The following ACBD6 variants were observed in gnomAD, a reference collection of about 807,000 sequenced individuals.
ACBD6 encodes the protein acyl-CoA binding domain containing 6, also known as acyl-CoA-binding domain-containing protein 6.
ACBD6 carries 28 observed loss-of-function variants against 37.2 expected under a neutral mutation model. That is an observed-to-expected ratio of 0.75 (90% CI 0.56 to 1.03). The LOEUF is 1.03. Ranked by LOEUF, ACBD6 falls within the 50% of genes least tolerant of loss-of-function variation. The probability of loss-of-function intolerance (pLI) is 0.00; values close to 1 mark genes in which losing one functional copy is unlikely to be tolerated. For missense variants in ACBD6, 340 were observed against 337.4 expected (o/e 1.01, Z -0.06); for synonymous variants, 113 against 126.8 (o/e 0.89, Z 0.73).
chr1:180,480,743 G>T (rs1651000327), intron 3 of ACBD6, among the ~76,000 whole-genome samples: 1 of 152,060 alleles, frequency 6.6e-6, no homozygotes, highest in African/African-American at 2.4e-5. Flanking sequence ...TAAAAAATGA[G>T]ATTTCAGGCT....
chr1:180,294,046 C>G (rs1649819259), intron 7 of ACBD6, among the ~76,000 whole-genome samples: 1 of 151,992 alleles, frequency 6.6e-6, no homozygotes, highest in African/African-American at 2.4e-5. Flanking sequence ...AGGTGCGCAC[C>G]ACCACATCTG....
intron 6 of ACBD6, among the ~76,000 whole-genome samples, chr1:180,376,722 GA>G (rs1236637844): frequency 6.6e-5 from 10 of 152,128 alleles, no homozygotes; most frequent in African/African-American, 1.9e-4. Context: ...AAAAAGGACT[GA>G]AAAGACAGAG....
At chr1:180,327,388 C>T (rs964253766) in intron 6 of ACBD6, among the ~76,000 whole-genome samples, 2 of 152,134 alleles carry the variant, frequency 1.3e-5, no homozygotes, top group Non-Finnish European at 2.9e-5. Context: ...AGGGCTGCTG[C>T]GGGATTGAGA....
chr1:180,405,352 C>T (rs983260952), intron 5 of ACBD6, among the ~76,000 whole-genome samples: 5 of 152,108 alleles, frequency 3.3e-5, no homozygotes, highest in Non-Finnish European at 4.4e-5. Context: ...TGACTTTCTT[C>T]AAAGTATCTG....
At chr1:180,397,745 T>C (rs934594702) in intron 5 of ACBD6, 140 bp from the exon 6 acceptor site, 7 of 784,100 alleles carry the variant, frequency 8.9e-6, no homozygotes, top group Admixed American at 6.6e-5. Context: ...AAATGCACTA[T>C]GGAAAAAGCA....
chr1:180,292,394 G>A lies in ACBD6; in HGVS notation c.695-3877C>T, dbSNP rs376080382. On this transcript the variant is annotated intron_variant, in intron 7 of 7. Transcript: ENST00000367595. ...AAATCTTACTCTTATTTTGTTTGAT[G>A]TATCCCTAAGAATTTCATGTTTTTG... Among the ~76,000 whole-genome samples, 6 of 152,174 alleles carry A rather than the reference G, an allele frequency of 3.9e-5. No homozygotes were observed. The East Asian group carries it at 9.6e-4, about 24-fold the overall frequency.
chr1:180,388,281 G>T (rs1653923327), intron 6 of ACBD6, among the ~76,000 whole-genome samples: 1 of 151,860 alleles, frequency 6.6e-6, no homozygotes. Flanking sequence ...TAACCCTTTA[G>T]TCTTCTTATG....
At chr1:180,345,683 G>C (rs538040726) in intron 6 of ACBD6, among the ~76,000 whole-genome samples, 16 of 151,988 alleles carry the variant, frequency 1.1e-4, no homozygotes, top group African/African-American at 3.9e-4. Context: ...TTATAACTTA[G>C]AACATCATTA....
At chr1:180,403,278 T>C (rs559963744) in intron 5 of ACBD6, among the ~76,000 whole-genome samples, 18 of 152,314 alleles carry the variant, frequency 1.2e-4, no homozygotes, top group South Asian at 6.2e-4. Context: ...GTTACACAGG[T>C]ATATGTATTT....
At chr1:180,277,771 T>TATCA (rs1649122262) in intron 9 of ACBD6, 1 of 151,962 alleles carries the variant, frequency 6.6e-6, no homozygotes, top group African/African-American at 2.4e-5. Context: ...AAAGATCAAC[T>TATCA]ATCATTGATA....
chr1:180,389,439 G>A (rs562392659), intron 6 of ACBD6, among the ~76,000 whole-genome samples: 2,187 of 152,256 alleles, frequency 0.014, 65 homozygotes, highest in African/African-American at 0.049. Context: ...CTTTGCTATT[G>A]TGAATAGTGC....
chr1:180,339,590 G>A lies in ACBD6; in HGVS notation c.664-24868C>T, dbSNP rs1333999014. On this transcript the variant is annotated intron_variant, in intron 6 of 7. Coordinates refer to ENST00000367595, the MANE Select transcript of ACBD6 (RefSeq NM_032360.4). ...GAGATATAGCTAATGTAAATGACGA[G>A]TTAATGGGTGCAGCACACCAACATG... 3.3e-5 allele frequency among the ~76,000 whole-genome samples: 5 copies of A among 152,210 alleles called. No homozygotes were observed. In the East Asian group the frequency reaches 9.7e-4, roughly 29 times the overall value.
intron 6 of ACBD6, among the ~76,000 whole-genome samples, chr1:180,331,579 TA>T (rs1159487629): frequency 6.6e-6 from 1 of 152,220 alleles, no homozygotes; most frequent in Non-Finnish European, 1.5e-5. Context: ...TCTTTTTACG[TA>T]AGTATACCTA....
At chr1:180,417,428 C>A (rs1262048845) in intron 4 of ACBD6, among the ~76,000 whole-genome samples, 1 of 152,198 alleles carries the variant, frequency 6.6e-6, no homozygotes. Flanking sequence ...TGGAGAAAGA[C>A]AGTTCATTCA....
chr1:180,437,088 T>C (rs77149702), intron 3 of ACBD6, among the ~76,000 whole-genome samples: 2,999 of 152,320 alleles, frequency 0.02, 103 homozygotes, highest in African/African-American at 0.067. Context: ...GTCTTCACAT[T>C]TGGTGCAGAA....
chr1:180,293,882 A>C (rs1040643671), intron 7 of ACBD6, among the ~76,000 whole-genome samples: 3 of 151,616 alleles, frequency 2.0e-5, no homozygotes, highest in Admixed American at 6.5e-5. Flanking sequence ...GCTGGGACTA[A>C]AGGCATGCAC....
At position 180,456,365 on chromosome 1, in the gene ACBD6, T is replaced by C. The variant is rs1320336095; in HGVS notation, c.385-26103A>G. The stretch of plus-strand genomic sequence containing the variant: ...CACAAGTGTCCCCAGGGAAAGAAAC[T>C]TGGGCAGACAGCAATTGTATGTGAC... On this transcript the variant is annotated intron_variant, in intron 3 of 7. Transcript: ENST00000367595. 2.6e-5 allele frequency among the ~76,000 whole-genome samples: 4 copies of C among 152,264 alleles called. No individual in the cohort carries two copies. In the East Asian group the frequency reaches 5.8e-4, roughly 22 times the overall value.
intron 3 of ACBD6, among the ~76,000 whole-genome samples, chr1:180,487,843 T>A (rs950397330): frequency 1.5e-4 from 23 of 152,264 alleles, no homozygotes; most frequent in African/African-American, 5.5e-4. Flanking sequence ...ACAAAAGTAC[T>A]CAGTATAGAA....
rs140567377 is a variant in ACBD6, at chr1:180,440,475, G to T, written c.385-10213C>A. On this transcript the variant is annotated intron_variant, in intron 3 of 7. Coordinates refer to ENST00000367595, the MANE Select transcript of ACBD6 (RefSeq NM_032360.4). ...CATGAGATTCACATAAAATTAACCA[G>T]TTTAACATGTACAATTGAATGACAT... Among the ~76,000 whole-genome samples the T allele has an allele frequency of 7.6e-4, 115 of 152,254 alleles. No homozygotes were observed. In the East Asian group the frequency reaches 0.02, roughly 27 times the overall value.
Sources: gnomAD v4.1 joint callset for allele counts (sites outside exome capture counted in the v4.1 genomes callset) on GRCh38, gnomAD v4.1.1 for gene constraint, MANE v1.5 for transcripts, NCBI Gene and HGNC (gene_info 2026-07-23, HGNC 2026-07-21) for gene names.